BAZ2B: variants seen among roughly 807,000 people sequenced by gnomAD.
BAZ2B encodes the protein bromodomain adjacent to zinc finger domain 2B, also known as bromodomain adjacent to zinc finger domain protein 2B.
Under a neutral mutation model 246.0 loss-of-function variants are expected in BAZ2B, and 91 were observed. The ratio of observed to expected loss-of-function variants is 0.37; its 90% CI spans 0.31 to 0.44. The LOEUF (loss-of-function observed/expected upper bound fraction) is 0.44, where lower values mean the gene tolerates loss of function less well. BAZ2B is among the 20% of genes least tolerant of loss of function. BAZ2B has a pLI of 1.00. For missense variants in BAZ2B, 2,332 were observed against 2,533.7 expected, an observed-to-expected ratio of 0.92 and a Z score of 1.71; for synonymous variants, 855 against 860.0, an observed-to-expected ratio of 0.99 and a Z score of 0.10.
chr2:159,528,986 A>T (rs2085061452), intron 2 of BAZ2B, among the ~76,000 whole-genome samples: 1 of 133,438 alleles, frequency 7.5e-6, no homozygotes, highest in Non-Finnish European at 1.6e-5. Flanking sequence ...GGGGGGAGGG[A>T]TAGCATTAGG....
At chr2:159,401,763 T>G (rs1245197268) in intron 16 of BAZ2B, among the ~76,000 whole-genome samples, 1 of 152,178 alleles carries the variant, frequency 6.6e-6, no homozygotes, top group Non-Finnish European at 1.5e-5. Context: ...TTATCTCATA[T>G]TCTATAAACA....
At chr2:159,394,600 C>T (rs997725008) in intron 20 of BAZ2B, among the ~76,000 whole-genome samples, 1 of 152,092 alleles carries the variant, frequency 6.6e-6, no homozygotes, top group African/African-American at 2.4e-5. Context: ...TAAGTCTATG[C>T]TAAGAGGTAC....
At position 159,348,771 on chromosome 2, in the gene BAZ2B, G is replaced by A; in HGVS notation, c.5200C>T (p.Leu1734=). The A allele has an allele frequency of 1.2e-6, 2 of 1,613,080 alleles. No individual in the cohort carries two copies. Among genetic ancestry groups the A allele is most frequent in the Non-Finnish European group, 1.7e-6 (2 of 1,179,722 alleles). Residue 1734 remains leucine, a synonymous_variant, in exon 30 of 37, where the codon CTG becomes TTG. Transcript: ENST00000392783. ...TTTTCTCTTATTCCTCTGAGATGCA[G>A]CACTTTGAGCAAAGCTTTTAGGTCC... The part of the protein sequence containing the change: ...PEDLKALLKV[L]HLRGIREKAL...
the BAZ2B span, among the ~76,000 whole-genome samples, chr2:159,676,005 C>T: frequency 2.6e-5 from 4 of 152,192 alleles, no homozygotes; most frequent in Non-Finnish European, 5.9e-5. Flanking sequence ...AGGTGATTCT[C>T]CTGCCTCAGT....
the BAZ2B span, among the ~76,000 whole-genome samples, chr2:159,639,349 A>C: frequency 6.6e-6 from 1 of 152,204 alleles, no homozygotes. Context: ...ATCTGAAGTT[A>C]AAAAACACTG....
intron 27 of BAZ2B, among the ~76,000 whole-genome samples, chr2:159,367,310 G>A (rs1282817150): frequency 6.6e-6 from 1 of 152,108 alleles, no homozygotes; most frequent in Non-Finnish European, 1.5e-5. Flanking sequence ...GATCCCCTGA[G>A]TGCTCTGTTA....
At chr2:159,535,616 T>C (rs1257287741) in intron 2 of BAZ2B, among the ~76,000 whole-genome samples, 1 of 152,200 alleles carries the variant, frequency 6.6e-6, no homozygotes, top group Non-Finnish European at 1.5e-5. Context: ...TCATTATCAG[T>C]ATGTAAAAAT....
chr2:159,625,607 C>T, the BAZ2B span, among the ~76,000 whole-genome samples: 1 of 152,088 alleles, frequency 6.6e-6, no homozygotes, highest in African/African-American at 2.4e-5. Context: ...AAATGAAATC[C>T]TTCACTGACA....
chr2:159,576,015 A>G (rs1685202286), intron 1 of BAZ2B, among the ~76,000 whole-genome samples: 2 of 152,214 alleles, frequency 1.3e-5, no homozygotes, highest in Non-Finnish European at 2.9e-5. Flanking sequence ...TAAGATTTAG[A>G]AACTTAAAGA....
chr2:159,603,591 C>T (rs1210202800), intron 1 of BAZ2B, among the ~76,000 whole-genome samples: 4 of 151,936 alleles, frequency 2.6e-5, no homozygotes. Context: ...GCCCCTGTAT[C>T]TTCATTCACC....
At chr2:159,396,362 GT>G (rs1414003533) in intron 19 of BAZ2B, 1 of 152,026 alleles carries the variant, frequency 6.6e-6, no homozygotes, top group African/African-American at 2.4e-5. Flanking sequence ...ATAAATTAGA[GT>G]TTTTTTAAGG....
In BAZ2B at chr2:159,455,762, GGTTTTTTT is replaced by G. The variant is rs1180216465; in HGVS notation, c.146-1969_146-1962del. On this transcript the variant is annotated intron_variant, in intron 3 of 36. Transcript: ENST00000392783. ...AGTGATAGGTTACCAGAAATATTGTGGTTTTTTTTTTTTTTTTTTTTTTTTTGGCAAAT... is the reference window on the plus strand; with the variant it reads ...AGTGATAGGTTACCAGAAATATTGTGTTTTTTTTTTTTTTTTTTGGCAAAT... Among the ~76,000 whole-genome samples, 306 of 97,158 alleles carry G rather than the reference GGTTTTTTT, an allele frequency of 3.1e-3. 2 individuals are homozygous for G. The highest frequency in any genetic ancestry group is 5.2e-3 in the Non-Finnish European group (240 of 46,374). 63.7% of individuals were successfully genotyped at this position (97,158 alleles called of 152,430 possible).
At chr2:159,694,805 G>A in the BAZ2B span, 1 of 152,152 alleles carries the variant, frequency 6.6e-6, no homozygotes, top group Non-Finnish European at 1.5e-5. Context: ...GGTTTTGTGT[G>A]ACATGTGTTT....
intron 20 of BAZ2B, among the ~76,000 whole-genome samples, chr2:159,394,451 T>C (rs745350844): frequency 5.3e-5 from 8 of 152,042 alleles, no homozygotes; most frequent in Non-Finnish European, 1.2e-4. Flanking sequence ...TTATGTTAGG[T>C]ATAGAGGGTG....
chr2:159,373,513 T>C (rs759309229), intron 26 of BAZ2B, among the ~76,000 whole-genome samples: 2 of 152,190 alleles, frequency 1.3e-5, no homozygotes, highest in Non-Finnish European at 2.9e-5. Flanking sequence ...TTCAATTCTA[T>C]TGCTTACAGT....
chr2:159,390,426 T>C (rs2063190405), intron 20 of BAZ2B, among the ~76,000 whole-genome samples: 2 of 152,166 alleles, frequency 1.3e-5, no homozygotes, highest in Non-Finnish European at 1.5e-5. Flanking sequence ...TCTTCATTTT[T>C]CCCATCTTGC....
the BAZ2B span, among the ~76,000 whole-genome samples, chr2:159,698,132 A>G: frequency 2.0e-5 from 3 of 152,204 alleles, no homozygotes; most frequent in Admixed American, 6.5e-5. Flanking sequence ...TGCCCAGTAC[A>G]TATTAGTATG....
At chr2:159,624,121 T>C in the BAZ2B span, among the ~76,000 whole-genome samples, 1 of 152,222 alleles carries the variant, frequency 6.6e-6, no homozygotes, top group Admixed American at 6.5e-5. Flanking sequence ...CAGCAAGGCC[T>C]CTGTGGCCAG....
intron 34 of BAZ2B, among the ~76,000 whole-genome samples, chr2:159,328,845 A>C (rs985688678): frequency 1.3e-5 from 2 of 152,180 alleles, no homozygotes; most frequent in African/African-American, 4.8e-5. Flanking sequence ...TATAAAACAA[A>C]GGCCGGGCAC....
Sources: gnomAD v4.1 joint callset for allele counts (sites outside exome capture counted in the v4.1 genomes callset) on GRCh38, gnomAD v4.1.1 for gene constraint, MANE v1.5 for transcripts, NCBI Gene and HGNC (gene_info 2026-07-23, HGNC 2026-07-21) for gene names.